FBXO38: variants seen among roughly 807,000 people sequenced by gnomAD.
FBXO38 encodes F-box only protein 38.
In FBXO38, 53 loss-of-function variants were observed where a neutral mutation model predicts 131.9. The observed-to-expected ratio is 0.40, with a 90% CI of 0.32 to 0.51. The LOEUF (loss-of-function observed/expected upper bound fraction) is 0.51. FBXO38 is among the 20% of genes least tolerant of loss of function. FBXO38 has a pLI of 0.53. For missense variants in FBXO38, 1,076 were observed against 1,475.6 expected (o/e 0.73, Z 4.44); for synonymous variants, 452 against 505.6 (o/e 0.89, Z 1.42).
intron 5 of FBXO38, among the ~76,000 whole-genome samples, chr5:148,403,918 G>A (rs1052016647): frequency 1.3e-5 from 2 of 151,960 alleles, no homozygotes; most frequent in Non-Finnish European, 2.9e-5. Context: ...TCCCTTCCTT[G>A]GCTTTTATCT....
At position 148,438,424 on chromosome 5, in the gene FBXO38, G is replaced by A. The variant is rs1368703936; in HGVS notation, c.2950G>A (p.Asp984Asn). ...DYAQCKKLNM[D>N]QVLDQILRMP... The stretch of plus-strand genomic sequence containing the variant: ...TGCACAGTGCAAGAAACTGAACATG[G>A]ATCAGGTACTAGACCAGATACTAAG... Residue 984 changes from aspartate to asparagine, a missense_variant, in exon 18 of 22, where the codon GAT (aspartate) becomes AAT (asparagine). By Grantham distance (23) the Asp-to-Asn change is conservative. Around this residue, in one of 8 missense-constraint regions of FBXO38, gnomAD observed 282 missense variants for 418.8 expected, o/e 0.67. Coordinates refer to ENST00000340253, the MANE Select transcript of FBXO38 (RefSeq NM_205836.3). 1 of 1,613,968 alleles carries A rather than the reference G, an allele frequency of 6.2e-7. No individual in the cohort carries two copies. Among genetic ancestry groups the A allele is most frequent in the Admixed American group, 1.7e-5 (1 of 60,020 alleles).
chr5:148,386,547 G>A (rs1179753405), intron 1 of FBXO38, among the ~76,000 whole-genome samples: 1 of 152,098 alleles, frequency 6.6e-6, no homozygotes, highest in African/African-American at 2.4e-5. Flanking sequence ...TGAGAACTGT[G>A]TGATTAGGTA....
intron 17 of FBXO38, among the ~76,000 whole-genome samples, chr5:148,436,183 T>C (rs1283801584): frequency 6.6e-6 from 1 of 152,164 alleles, no homozygotes; most frequent in African/African-American, 2.4e-5. Flanking sequence ...ACAGACCTTG[T>C]GTAAACAGTG....
chr5:148,425,615 A>G lies in FBXO38; in HGVS notation c.1832A>G (p.Glu611Gly). 6.2e-7 allele frequency: 1 copy of G among 1,613,922 alleles called. No homozygotes were observed. Among genetic ancestry groups the G allele is most frequent in the Non-Finnish European group, 8.5e-7 (1 of 1,179,786 alleles). Reference protein sequence around the residue: ...DDEEDSLELQEVWIPKNGTRR... With the variant: ...DDEEDSLELQGVWIPKNGTRR... ...GAAGAAGATAGTCTAGAACTCCAAG[A>G]AGTCTGGATTCCTAAGAACGGTACT... The change falls in exon 14 of 22, where the codon GAA (glutamate) becomes GGA (glycine). Residue 611 changes from glutamate to glycine, a missense_variant. Coordinates refer to ENST00000340253, the MANE Select transcript of FBXO38 (RefSeq NM_205836.3).
chr5:148,390,202 T>C (rs1472475223), intron 1 of FBXO38, among the ~76,000 whole-genome samples: 1 of 152,146 alleles, frequency 6.6e-6, no homozygotes, highest in Non-Finnish European at 1.5e-5. Context: ...AAGCCAACTT[T>C]AGCTGAAGCA....
At chr5:148,400,510 A>G (rs527587438) in intron 3 of FBXO38, among the ~76,000 whole-genome samples, 2 of 152,222 alleles carry the variant, frequency 1.3e-5, no homozygotes, top group South Asian at 4.1e-4. Context: ...TGTGAGCCCA[A>G]GGCTTCCCAT....
At chr5:148,433,973 C>G (rs1754190917) in intron 17 of FBXO38, 1 of 291,822 alleles carries the variant, frequency 3.4e-6, no homozygotes, top group Non-Finnish European at 6.4e-6. Flanking sequence ...AAGATAATTA[C>G]TGCCTGATCT....
chr5:148,427,079 T>C, intron 14 of FBXO38, 134 bp from the exon 15 acceptor site: 3 of 1,032,414 alleles, frequency 2.9e-6, no homozygotes, highest in Non-Finnish European at 4.2e-6. Context: ...AGTGATGTGA[T>C]CACAGTTATA....
At chr5:148,414,894 A>G (rs1462756252) in intron 10 of FBXO38, among the ~76,000 whole-genome samples, 1 of 152,140 alleles carries the variant, frequency 6.6e-6, no homozygotes, top group Non-Finnish European at 1.5e-5. Context: ...AGATACCGAA[A>G]TTTACAAACC....
intron 8 of FBXO38, 35 bp from the exon 9 acceptor site, chr5:148,410,600 T>G: frequency 6.2e-7 from 1 of 1,610,396 alleles, no homozygotes; most frequent in Admixed American, 1.7e-5. Flanking sequence ...ATGGTTTTTG[T>G]TTTACTCTGA....
At chr5:148,423,935 T>G in intron 12 of FBXO38, 63 bp from the exon 13 acceptor site, 5 of 1,516,922 alleles carry the variant, frequency 3.3e-6, no homozygotes, top group Non-Finnish European at 4.5e-6. Flanking sequence ...GCCACAGTTT[T>G]GCCTGCCATT....
At chr5:148,438,528 C>T (rs1049968691) in intron 18 of FBXO38, 30 bp downstream of exon 18, 2 of 1,596,848 alleles carry the variant, frequency 1.3e-6, no homozygotes, top group Non-Finnish European at 1.7e-6. Context: ...TCCGATGATA[C>T]ACATATTGTG....
chr5:148,390,942 C>T (rs1581219414), intron 1 of FBXO38, among the ~76,000 whole-genome samples: 1 of 152,230 alleles, frequency 6.6e-6, no homozygotes, highest in African/African-American at 2.4e-5. Flanking sequence ...AATAAAGAAT[C>T]GAGCATCATC....
intron 17 of FBXO38, 53 bp from the exon 18 acceptor site, chr5:148,438,279 C>A: frequency 6.5e-7 from 1 of 1,532,444 alleles, no homozygotes; most frequent in Non-Finnish European, 8.9e-7. Flanking sequence ...AAAAATTAGG[C>A]CATCTCTCCA....
chr5:148,409,616 A>C (rs1026465215), intron 8 of FBXO38, among the ~76,000 whole-genome samples: 3 of 152,250 alleles, frequency 2.0e-5, no homozygotes, highest in African/African-American at 7.2e-5. Context: ...GCTATTCAGA[A>C]ATCAGTGTTT....
At chr5:148,420,742 A>G (rs1197830774) in intron 12 of FBXO38, among the ~76,000 whole-genome samples, 2 of 152,156 alleles carry the variant, frequency 1.3e-5, no homozygotes, top group South Asian at 2.1e-4. Flanking sequence ...GTGCATCACA[A>G]TCACCTGGAG....
chr5:148,393,947 C>T (rs1042766482), intron 1 of FBXO38, among the ~76,000 whole-genome samples: 1 of 152,082 alleles, frequency 6.6e-6, no homozygotes, highest in Non-Finnish European at 1.5e-5. Context: ...CCATTTTCTC[C>T]CTGCTTTCCC....
At chr5:148,435,697 T>G (rs1241729758) in intron 17 of FBXO38, among the ~76,000 whole-genome samples, 2 of 151,980 alleles carry the variant, frequency 1.3e-5, no homozygotes, top group African/African-American at 4.8e-5. Context: ...ATGAACCCGG[T>G]AGGCGGGGCT....
In FBXO38 at chr5:148,433,506, C is replaced by A; in HGVS notation, c.2736C>A (p.Ile912=). The change falls in exon 16 of 22, where the codon ATC becomes ATA. Residue 912 remains isoleucine, a synonymous_variant. Coordinates refer to ENST00000340253, the MANE Select transcript of FBXO38 (RefSeq NM_205836.3). The part of the protein sequence containing the change: ...DKSTSTSDPV[I]EDDHVQVLVL... Reference sequence around the variant, plus strand: ...CCACTAGTACAAGTGATCCTGTGATCGAGGATGACCATGTGCAGGTAGAGA... The same window carrying A: ...CCACTAGTACAAGTGATCCTGTGATAGAGGATGACCATGTGCAGGTAGAGA... 1.2e-6 allele frequency: 2 copies of A among 1,612,618 alleles called. No individual in the cohort carries two copies. Among genetic ancestry groups the A allele is most frequent in the Non-Finnish European group, 1.7e-6 (2 of 1,178,938 alleles).
Sources: allele counts gnomAD v4.1 joint callset (sites outside exome capture counted in the v4.1 genomes callset), GRCh38; gene constraint gnomAD v4.1.1; regional missense constraint gnomAD v4.1.1; transcripts MANE v1.5; gene names NCBI Gene and HGNC (gene_info 2026-07-23, HGNC 2026-07-21).